The following GPATCH1 variants were observed in gnomAD, a reference collection of about 807,000 sequenced individuals.
GPATCH1 encodes the protein G-patch domain containing 1.
Under a neutral mutation model 114.9 loss-of-function variants are expected in GPATCH1, and 73 were observed. The ratio of observed to expected loss-of-function variants is 0.64; its 90% CI spans 0.53 to 0.77. The LOEUF (loss-of-function observed/expected upper bound fraction) is 0.77, where lower values mean the gene tolerates loss of function less well. GPATCH1 is among the 30% of genes least tolerant of loss of function. The pLI, the probability that GPATCH1 is intolerant of heterozygous loss-of-function variation, is 0.00. For missense variants in GPATCH1, 1,058 were observed against 1,144.3 expected (o/e 0.92, Z 1.09); for synonymous variants, 391 against 428.4 (o/e 0.91, Z 1.08).
Position 33,114,175 on chromosome 19 carries a change from G to A in GPATCH1, c.2030-78G>A, listed in dbSNP as rs145189770. On this transcript the variant is annotated intron_variant, in intron 14 of 19. Transcript: ENST00000170564. Reference sequence around the variant, plus strand: ...CCTAGTAGGCACGCTGACATTCTGAGTGAATGAAAGAGCAGTGGTGAAGAA... The same window carrying A: ...CCTAGTAGGCACGCTGACATTCTGAATGAATGAAAGAGCAGTGGTGAAGAA... The A allele has an allele frequency of 8.0e-4, 1,041 of 1,296,438 alleles. 5 individuals carry two copies. The African/African-American group carries it at 0.014, about 18-fold the overall frequency. The allele number at this position is 1,296,438 out of a possible 1,614,324, so 80.3% of individuals were successfully genotyped here. A position where few individuals can be genotyped will look rare whatever the true frequency, so the allele number is the denominator to read the frequency against.
intron 10 of GPATCH1, among the ~76,000 whole-genome samples, chr19:33,107,854 AT>A (rs796152115): frequency 1.3e-4 from 20 of 149,474 alleles, no homozygotes; most frequent in South Asian, 4.2e-4. Flanking sequence ...TTTAATTTTT[AT>A]TTTTTTTTAT....
In GPATCH1 at chr19:33,107,383, G is replaced by T. The variant is rs562473387; in HGVS notation, c.1285+484G>T. ...AGGCTTGTTTTTCCACCTTCAGTTT[G>T]GTTGATGTCATTCAAATCACAACTT... On this transcript the variant is annotated intron_variant, in intron 10 of 19. Coordinates refer to ENST00000170564, the MANE Select transcript of GPATCH1 (RefSeq NM_018025.3). Among the ~76,000 whole-genome samples, 65 of 152,270 alleles carry T rather than the reference G, an allele frequency of 4.3e-4. 3 individuals carry two copies. In the South Asian group the frequency reaches 0.011, roughly 26 times the overall value.
At chr19:33,100,012 C>A (rs1324269139) in intron 8 of GPATCH1, among the ~76,000 whole-genome samples, 1 of 151,910 alleles carries the variant, frequency 6.6e-6, no homozygotes, top group Non-Finnish European at 1.5e-5. Flanking sequence ...CTCAGGTGAT[C>A]CGCCCGCCTC....
chr19:33,095,741 C>A lies in GPATCH1; in HGVS notation c.554-21C>A, dbSNP rs199786305. 3.2e-6 allele frequency: 5 copies of A among 1,573,550 alleles called. No homozygotes were observed. In the African/African-American group the frequency reaches 5.4e-5, roughly 17 times the overall value. On this transcript the variant is annotated intron_variant, in intron 5 of 19. Transcript: ENST00000170564. ...TATTTGTAGTCACTCATGACTATTG[C>A]ATTTGAAATCTCTTTTCTAGATCCT...
intron 9 of GPATCH1, among the ~76,000 whole-genome samples, chr19:33,102,569 G>A (rs1304816278): frequency 6.6e-6 from 1 of 151,610 alleles, no homozygotes; most frequent in African/African-American, 2.4e-5. Context: ...GCTAATCTTT[G>A]TATTTTTAGT....
intron 19 of GPATCH1, among the ~76,000 whole-genome samples, chr19:33,127,417 G>A (rs1973054248): frequency 6.6e-6 from 1 of 151,606 alleles, no homozygotes. Context: ...TGGGGAGGCT[G>A]AGGCAGGAGA....
chr19:33,119,050 G>A lies in GPATCH1; in HGVS notation c.2454G>A (p.Pro818=), dbSNP rs779831056. ...CCCAGGAGCCGCCACCTTCCTTCCC[G>A]ATACAAAAGATGCAGATAGATGAAA... ...PAPQEPPPSF[P]IQKMQIDERE... The change falls in exon 17 of 20, where the codon CCG becomes CCA. Residue 818 remains proline (P), a synonymous_variant. Coordinates refer to ENST00000170564, the MANE Select transcript of GPATCH1 (RefSeq NM_018025.3). 12 of 1,613,116 alleles carry A rather than the reference G, an allele frequency of 7.4e-6. No homozygotes were observed. Among genetic ancestry groups the A allele is most frequent in the South Asian group, 3.3e-5 (3 of 91,036 alleles).
chr19:33,111,813 G>A lies in GPATCH1; in HGVS notation c.1675G>A (p.Ala559Thr), dbSNP rs76208520. 30 of 1,613,984 alleles carry A rather than the reference G, an allele frequency of 1.9e-5. No individual in the cohort carries two copies. In the East Asian group the frequency reaches 5.6e-4, roughly 30 times the overall value. The change falls in exon 12 of 20, where the codon GCA (alanine) becomes ACA (threonine). Residue 559 changes from alanine (A) to threonine (T), a missense_variant. Ala to Thr is a moderately conservative substitution (Grantham distance 58). Around this residue, in one of 3 missense-constraint regions of GPATCH1, gnomAD observed 893 missense variants for 977.4 expected, o/e 0.91. Transcript: ENST00000170564. ...DEFARAALLY[A>T]SSHSTLSSRF... ...GTTTGCCCGGGCGGCCCTGCTGTAC[G>A]CATCTTCCCATTCGACCTTGTCCTC...
At position 33,119,041 on chromosome 19, in the gene GPATCH1, T is replaced by C. The variant is rs1437337637; in HGVS notation, c.2445T>C (p.Pro815=). The C allele has an allele frequency of 6.2e-7, 1 of 1,613,158 alleles. No homozygotes were observed. Among genetic ancestry groups the C allele is most frequent in the South Asian group, 1.1e-5 (1 of 91,014 alleles). The change falls in exon 17 of 20, where the codon CCT becomes CCC. Residue 815 remains proline, a synonymous_variant. Coordinates refer to ENST00000170564, the MANE Select transcript of GPATCH1 (RefSeq NM_018025.3). The part of the protein sequence containing the change: ...ALVPAPQEPP[P]SFPIQKMQID... ...TGCCAGCACCCCAGGAGCCGCCACC[T>C]TCCTTCCCGATACAAAAGATGCAGA...
intron 8 of GPATCH1, among the ~76,000 whole-genome samples, chr19:33,100,877 A>C (rs577739929): frequency 5.2e-4 from 79 of 152,206 alleles, no homozygotes; most frequent in African/African-American, 1.7e-3. Context: ...AACCTTGAGA[A>C]TCAAATCAAA....
At chr19:33,109,263 T>C (rs1972821760) in intron 10 of GPATCH1, among the ~76,000 whole-genome samples, 1 of 152,098 alleles carries the variant, frequency 6.6e-6, no homozygotes, top group Non-Finnish European at 1.5e-5. Context: ...ACGCCTGTAA[T>C]CCCAGCACTT....
chr19:33,110,773 C>G (rs560699657), intron 11 of GPATCH1, among the ~76,000 whole-genome samples: 1 of 151,762 alleles, frequency 6.6e-6, no homozygotes, highest in Admixed American at 6.6e-5. Flanking sequence ...ATTTAACCAA[C>G]CATTAGCCTC....
At chr19:33,109,089 T>A (rs2145325076) in intron 10 of GPATCH1, among the ~76,000 whole-genome samples, 1 of 152,190 alleles carries the variant, frequency 6.6e-6, no homozygotes, top group Admixed American at 6.5e-5. Context: ...TGGTGGTGTG[T>A]ACCTGTGGTC....
At chr19:33,125,009 C>T (rs187994253) in intron 17 of GPATCH1, 96 bp from the exon 18 acceptor site, 24 of 1,294,372 alleles carry the variant, frequency 1.9e-5, no homozygotes, top group Middle Eastern at 2.1e-4. Context: ...ATTCCATCTA[C>T]ACTAGATGCC....
At chr19:33,081,880 A>G (rs1166899278) in intron 1 of GPATCH1, among the ~76,000 whole-genome samples, 1 of 147,902 alleles carries the variant, frequency 6.8e-6, no homozygotes, top group Non-Finnish European at 1.5e-5. Context: ...AGGGATATAT[A>G]TATGATTTTT....
chr19:33,102,916 G>A (rs1972743445), intron 9 of GPATCH1, among the ~76,000 whole-genome samples: 2 of 152,238 alleles, frequency 1.3e-5, no homozygotes, highest in Admixed American at 6.5e-5. Flanking sequence ...CCGAGCAGAA[G>A]GGAGAGAAGC....
At chr19:33,102,060 G>A (rs999143297) in intron 9 of GPATCH1, among the ~76,000 whole-genome samples, 3 of 150,614 alleles carry the variant, frequency 2.0e-5, no homozygotes, top group South Asian at 2.1e-4. Context: ...TTGGCCAGGC[G>A]TGGTGGCTCA....
Position 33,112,527 on chromosome 19 carries a change from G to A in GPATCH1, c.1806G>A (p.Met602Ile), listed in dbSNP as rs1256545758. 1 of 1,614,018 alleles carries A rather than the reference G, an allele frequency of 6.2e-7. No homozygotes were observed. The highest frequency in any genetic ancestry group is 8.5e-7 in the Non-Finnish European group (1 of 1,179,954). The stretch of plus-strand genomic sequence containing the variant: ...AGCAGTCGGCTGTGAAGATGAAGAT[G>A]TTTGGGAAGCTCACCCGAGACACGT... ...GDKQSAVKMK[M>I]FGKLTRDTFE... Residue 602 changes from methionine (M) to isoleucine (I), a missense_variant, in exon 13 of 20, where the codon ATG (methionine) becomes ATA (isoleucine). By Grantham distance (10) the Met-to-Ile change is conservative. Coordinates refer to ENST00000170564, the MANE Select transcript of GPATCH1 (RefSeq NM_018025.3).
At chr19:33,130,103 T>G in intron 19 of GPATCH1, 27 bp from the exon 20 acceptor site, 1 of 1,601,100 alleles carries the variant, frequency 6.2e-7, no homozygotes, top group Non-Finnish European at 8.6e-7. Flanking sequence ...AACTTTCCAT[T>G]TCTCTCTTTT....
Sources: gnomAD v4.1 joint callset for allele counts (sites outside exome capture counted in the v4.1 genomes callset) on GRCh38, gnomAD v4.1.1 for gene constraint, gnomAD v4.1.1 regional missense constraint, MANE v1.5 for transcripts, NCBI Gene and HGNC (gene_info 2026-07-23, HGNC 2026-07-21) for gene names.